The following AFAP1 variants were observed in gnomAD, a reference collection of about 807,000 sequenced individuals.
AFAP1 encodes actin filament associated protein 1.
Under a neutral mutation model 93.9 loss-of-function variants are expected in AFAP1, and 75 were observed. The ratio of observed to expected loss-of-function variants is 0.80; its 90% CI spans 0.66 to 0.97. The LOEUF is 0.97. Among genes scored for constraint, AFAP1 ranks in the 50% least tolerant of loss-of-function variants. AFAP1 has a pLI of 0.00. For missense variants in AFAP1, 1,201 were observed against 1,050.8 expected, an observed-to-expected ratio of 1.14 and a Z score of -1.98; for synonymous variants, 517 against 430.7, an observed-to-expected ratio of 1.20 and a Z score of -2.48.
intron 17 of AFAP1, among the ~76,000 whole-genome samples, chr4:7,764,780 C>T (rs575105551): frequency 9.9e-5 from 15 of 152,154 alleles, no homozygotes; most frequent in Non-Finnish European, 1.6e-4. Context: ...GACAACAGCC[C>T]TGCAAGGTGG....
chr4:7,830,150 C>A (rs1378896272), intron 6 of AFAP1, among the ~76,000 whole-genome samples: 1 of 151,944 alleles, frequency 6.6e-6, no homozygotes, highest in African/African-American at 2.4e-5. Context: ...TTCTATGGGG[C>A]GGGGCGAGGG....
intron 1 of AFAP1, among the ~76,000 whole-genome samples, chr4:7,931,546 A>ATTTT (rs376570405): frequency 9.3e-4 from 129 of 138,108 alleles, no homozygotes; most frequent in African/African-American, 3.2e-3. Flanking sequence ...CACGCCCAGC[A>ATTTT]TTTTTTTTTT....
chr4:7,799,149 C>A, intron 10 of AFAP1: 1 of 940,972 alleles, frequency 1.1e-6, no homozygotes, highest in Non-Finnish European at 1.3e-6. Context: ...TGGCCGTGGT[C>A]AGGGTCTGCA....
At chr4:7,863,207 G>A (rs764873729) in intron 3 of AFAP1, among the ~76,000 whole-genome samples, 1 of 152,192 alleles carries the variant, frequency 6.6e-6, no homozygotes, top group Non-Finnish European at 1.5e-5. Flanking sequence ...CCTGAGCCCA[G>A]GAGTTTGAAA....
chr4:7,859,077 T>C (rs777937022), intron 3 of AFAP1, among the ~76,000 whole-genome samples: 3 of 152,224 alleles, frequency 2.0e-5, no homozygotes, highest in African/African-American at 4.8e-5. Flanking sequence ...GGCCTGCATC[T>C]GTCCCCACTG....
At chr4:7,811,129 G>C (rs1000674877) in intron 8 of AFAP1, among the ~76,000 whole-genome samples, 4 of 152,176 alleles carry the variant, frequency 2.6e-5, no homozygotes, top group African/African-American at 9.7e-5. Context: ...CCGGCGAGGC[G>C]CTCGGGACAC....
chr4:7,915,655 T>C (rs1312296935), intron 1 of AFAP1, among the ~76,000 whole-genome samples: 3 of 152,222 alleles, frequency 2.0e-5, no homozygotes, highest in Non-Finnish European at 4.4e-5. Context: ...CTTAACCACT[T>C]TGAGCTCAAC....
Position 7,781,508 on chromosome 4 carries a change from A to G in AFAP1, c.1650T>C (p.Ser550=), listed in dbSNP as rs1294404852. The change falls in exon 13 of 18, where the codon TCT becomes TCC. Residue 550 remains serine (S), a synonymous_variant. Transcript: ENST00000420658. ...GCCTAGAGGCCTTTCTGTCAGCAGG[A>G]GAGTAGCGGGCAAAGATGTGCGGAG... ...LPPPHIFARY[S]PADRKASRLS... 24 of 1,552,106 alleles carry G rather than the reference A, an allele frequency of 1.5e-5. No individual in the cohort carries two copies. Among genetic ancestry groups the G allele is most frequent in the Non-Finnish European group, 2.1e-5 (24 of 1,147,130 alleles).
chr4:7,887,681 C>G (rs967554218), intron 1 of AFAP1, among the ~76,000 whole-genome samples: 3 of 152,190 alleles, frequency 2.0e-5, no homozygotes, highest in Non-Finnish European at 2.9e-5. Context: ...TCAGAATATT[C>G]ACGTACGCAT....
chr4:7,936,776 T>C (rs575997067), intron 1 of AFAP1, among the ~76,000 whole-genome samples: 17 of 152,140 alleles, frequency 1.1e-4, no homozygotes, highest in African/African-American at 3.6e-4. Flanking sequence ...GGAGATAGGG[T>C]TTCACCGTGT....
intron 4 of AFAP1, among the ~76,000 whole-genome samples, chr4:7,851,693 T>G (rs1714459742): frequency 6.6e-6 from 1 of 152,136 alleles, no homozygotes; most frequent in Non-Finnish European, 1.5e-5. Flanking sequence ...AACACGGACT[T>G]CACTCATGGA....
chr4:7,930,246 A>G (rs1030584582), intron 1 of AFAP1, among the ~76,000 whole-genome samples: 16 of 152,212 alleles, frequency 1.1e-4, no homozygotes, highest in African/African-American at 2.9e-4. Flanking sequence ...CGGGGCTCCC[A>G]TGCCCCTGGG....
At chr4:7,819,213 G>A in intron 6 of AFAP1, 42 bp from the exon 7 acceptor site, 1 of 1,544,944 alleles carries the variant, frequency 6.5e-7, no homozygotes, top group South Asian at 1.2e-5. Flanking sequence ...CCCAAAGGCA[G>A]AGATACTTAA....
At chr4:7,860,834 G>A (rs977996751) in intron 3 of AFAP1, among the ~76,000 whole-genome samples, 1 of 152,166 alleles carries the variant, frequency 6.6e-6, no homozygotes, top group Non-Finnish European at 1.5e-5. Context: ...CACAGCACAA[G>A]CAGACGCATC....
At chr4:7,887,045 A>C (rs1718177071) in intron 1 of AFAP1, among the ~76,000 whole-genome samples, 1 of 152,196 alleles carries the variant, frequency 6.6e-6, no homozygotes. Flanking sequence ...TAGGAAAGGA[A>C]GAATCACAAA....
At chr4:7,810,729 C>T (rs936002529) in intron 8 of AFAP1, among the ~76,000 whole-genome samples, 4 of 152,240 alleles carry the variant, frequency 2.6e-5, no homozygotes, top group African/African-American at 4.8e-5. Context: ...AGTCTAGCAA[C>T]TCTGGACCCG....
chr4:7,764,429 C>A (rs1714264055), intron 17 of AFAP1, among the ~76,000 whole-genome samples: 2 of 151,758 alleles, frequency 1.3e-5, no homozygotes, highest in African/African-American at 4.8e-5. Context: ...GTATCAAGGG[C>A]TGGGGTGGGA....
chr4:7,851,170 A>G (rs1430878591), intron 4 of AFAP1, among the ~76,000 whole-genome samples: 1 of 152,176 alleles, frequency 6.6e-6, no homozygotes, highest in African/African-American at 2.4e-5. Flanking sequence ...CTGAGGAACT[A>G]CTTTCAGCTA....
intron 1 of AFAP1, among the ~76,000 whole-genome samples, chr4:7,928,746 G>T (rs1259817999): frequency 6.6e-6 from 1 of 152,170 alleles, no homozygotes; most frequent in African/African-American, 2.4e-5. Flanking sequence ...GTCAATCAGT[G>T]CCATTTCATT....
Sources: gnomAD v4.1 joint callset for allele counts (sites outside exome capture counted in the v4.1 genomes callset) on GRCh38, gnomAD v4.1.1 for gene constraint, MANE v1.5 for transcripts, NCBI Gene and HGNC (gene_info 2026-07-23, HGNC 2026-07-21) for gene names.